METTL3: variants seen among roughly 807,000 people sequenced by gnomAD.
METTL3 encodes N(6)-adenosine-methyltransferase catalytic subunit METTL3.
In METTL3, 42 loss-of-function variants were observed where a neutral mutation model predicts 64.3. That is an observed-to-expected ratio of 0.65 (90% confidence interval 0.51 to 0.84). The LOEUF is 0.84. METTL3 is among the 40% of genes least tolerant of loss of function. The pLI is 0.00. For synonymous variants in METTL3, 256 were observed against 263.6 expected (o/e 0.97, Z 0.28); for missense variants, 435 against 722.3 (o/e 0.60, Z 4.56).
Position 21,500,476 on chromosome 14 carries a change from C to T in METTL3, c.1304+19G>A, listed in dbSNP as rs746196154. 1.2e-5 allele frequency: 20 copies of T among 1,613,118 alleles called. 2 individuals carry two copies. The South Asian group carries it at 1.8e-4, about 14-fold the overall frequency. ...CTTGTACTGTATCTGTCCATACCTA[C>T]GTAACTGAATTGCATTACCTGCCTG... On this transcript the variant is annotated intron_variant, in intron 6 of 10. Coordinates refer to ENST00000298717, the MANE Select transcript of METTL3 (RefSeq NM_019852.5).
chr14:21,498,834 A>G (rs546953429), intron 10 of METTL3, 191 bp downstream of exon 10: 9 of 573,756 alleles, frequency 1.6e-5, no homozygotes, highest in Non-Finnish European at 2.8e-5. Context: ...TTTGGGTCCT[A>G]GAACCTGTTG....
chr14:21,504,596 A>G (rs1891651725), intron 1 of METTL3: 1 of 152,242 alleles, frequency 6.6e-6, no homozygotes, highest in African/African-American at 2.4e-5. Flanking sequence ...CTAAATAAGT[A>G]GGCCATTAGT....
At chr14:21,506,127 C>A (rs1420353468) in intron 1 of METTL3, among the ~76,000 whole-genome samples, 3 of 151,122 alleles carry the variant, frequency 2.0e-5, no homozygotes, top group Admixed American at 6.6e-5. Flanking sequence ...TAATATTTTT[C>A]TTTTTAAAAA....
At chr14:21,510,969 G>T in intron 1 of METTL3, 155 bp downstream of exon 1, 1 of 824,890 alleles carries the variant, frequency 1.2e-6, no homozygotes, top group Non-Finnish European at 1.8e-6. Flanking sequence ...GCAGAAGGGC[G>T]AACGTCTGCT....
At position 21,499,153 on chromosome 14, in the gene METTL3, T is replaced by TAGCC. The variant is rs1447862851; in HGVS notation, c.1519-17_1519-16insGGCT. On this transcript the variant is annotated splice_polypyrimidine_tract_variant and intron_variant, in intron 9 of 10. Coordinates refer to ENST00000298717, the MANE Select transcript of METTL3 (RefSeq NM_019852.5). The stretch of plus-strand genomic sequence containing the variant: ...TGGAACGAACCTAGGAAATAAAAAC[T>TAGCC]AGCTGCTTTTTAAGTTACACAAGAT... 5.0e-6 allele frequency: 8 copies of TAGCC among 1,601,850 alleles called. No individual in the cohort carries two copies. The highest frequency in any genetic ancestry group is 6.8e-6 in the Non-Finnish European group (8 of 1,168,832).
chr14:21,511,081 T>G lies in METTL3; in HGVS notation c.100+43A>C, dbSNP rs371383314. On this transcript the variant is annotated intron_variant, in intron 1 of 10. Coordinates refer to ENST00000298717, the MANE Select transcript of METTL3 (RefSeq NM_019852.5). ...GCTTTTTCTCTAGGGATCCCGCCCGTCCTCCCCGGTTGAGCCTCGGCCCCA... is the reference window on the plus strand; with the variant it reads ...GCTTTTTCTCTAGGGATCCCGCCCGGCCTCCCCGGTTGAGCCTCGGCCCCA... The G allele has an allele frequency of 6.5e-5, 104 of 1,604,364 alleles. No individual in the cohort carries two copies. In the African/African-American group the frequency reaches 1.4e-3, roughly 21 times the overall value.
At chr14:21,502,097 C>T (rs979756046) in intron 3 of METTL3, among the ~76,000 whole-genome samples, 194 bp from the exon 4 acceptor site, 2 of 145,942 alleles carry the variant, frequency 1.4e-5, no homozygotes, top group Admixed American at 7.2e-5. Context: ...CTCACTGTTT[C>T]TCCCACTGAA....
chr14:21,503,680 C>T lies in METTL3; in HGVS notation c.302G>A (p.Cys101Tyr), dbSNP rs1891627045. 1.2e-6 allele frequency: 2 copies of T among 1,614,234 alleles called. No homozygotes were observed. The highest frequency in any genetic ancestry group is 8.5e-7 in the Non-Finnish European group (1 of 1,180,038). Reference sequence around the variant, plus strand: ...GGTCATTACCGTGGAGATGGCAAGACAGATGGACACAGCATCAGTGGGCAA... The same window carrying T: ...GGTCATTACCGTGGAGATGGCAAGATAGATGGACACAGCATCAGTGGGCAA... ...LTLPTDAVSICLAISTPDAPA... is the reference protein window; with the variant it reads ...LTLPTDAVSIYLAISTPDAPA... The change falls in exon 2 of 11, where the codon TGT becomes TAT. Residue 101 changes from cysteine (C) to tyrosine (Y), a missense_variant. This residue lies in a region of METTL3 where 228 missense variants were observed against 279.6 expected (regional missense o/e 0.82). Transcript: ENST00000298717.
chr14:21,502,038 G>C, intron 3 of METTL3, 135 bp from the exon 4 acceptor site: 1 of 641,402 alleles, frequency 1.6e-6, no homozygotes, highest in Non-Finnish European at 2.5e-6. Flanking sequence ...TTTTTTAAGA[G>C]ATGGGATCTT....
At chr14:21,510,998 GTA>G in intron 1 of METTL3, 124 bp downstream of exon 1, 1 of 1,071,296 alleles carries the variant, frequency 9.3e-7, no homozygotes, top group Non-Finnish European at 1.3e-6. Context: ...TGGAGAGGGA[GTA>G]CCAATGTACG....
At chr14:21,510,867 C>CAAGGCGGACGAGGGT in intron 1 of METTL3, 1 of 470,918 alleles carries the variant, frequency 2.1e-6, no homozygotes, top group South Asian at 2.4e-5. Context: ...GAGGAGTGGG[C>CAAGGCGGACGAGGGT]AAGGCGGACG....
At chr14:21,501,486 C>A in intron 4 of METTL3, 2 of 580,568 alleles carry the variant, frequency 3.4e-6, no homozygotes, top group South Asian at 4.2e-5. Flanking sequence ...CAGAGACAGA[C>A]ATACTTTGCT....
At chr14:21,509,845 A>G (rs1891789894) in intron 1 of METTL3, among the ~76,000 whole-genome samples, 1 of 152,154 alleles carries the variant, frequency 6.6e-6, no homozygotes, top group African/African-American at 2.4e-5. Context: ...AGAGCAAGGG[A>G]AAAAAAATTC....
Position 21,499,005 on chromosome 14 carries a change from C to G in METTL3, c.1631+20G>C. The G allele has an allele frequency of 6.5e-7, 1 of 1,548,026 alleles. No individual in the cohort carries two copies. Among genetic ancestry groups the G allele is most frequent in the Non-Finnish European group, 8.9e-7 (1 of 1,119,662 alleles). Reference sequence around the variant, plus strand: ...AAATAATAGCCCCTTGAGGACTAGCCTGTTCTCTGGTCACCTTACCAGTTG... The same window carrying G: ...AAATAATAGCCCCTTGAGGACTAGCGTGTTCTCTGGTCACCTTACCAGTTG... On this transcript the variant is annotated intron_variant, in intron 10 of 10. Transcript: ENST00000298717.
chr14:21,501,140 A>G lies in METTL3; in HGVS notation c.900-11T>C. On this transcript the variant is annotated splice_polypyrimidine_tract_variant and intron_variant, in intron 4 of 10. Coordinates refer to ENST00000298717, the MANE Select transcript of METTL3 (RefSeq NM_019852.5). Reference sequence around the variant, plus strand: ...TTATTGATAATTCGTCTGGGAAAATAAAAAGGGAGAATCAAGATGGTGCTC... The same window carrying G: ...TTATTGATAATTCGTCTGGGAAAATGAAAAGGGAGAATCAAGATGGTGCTC... 6.3e-7 allele frequency: 1 copy of G among 1,596,198 alleles called. No individual in the cohort carries two copies. Among genetic ancestry groups the G allele is most frequent in the African/African-American group, 1.3e-5 (1 of 74,612 alleles).
chr14:21,505,481 G>C (rs781659952), intron 1 of METTL3, among the ~76,000 whole-genome samples: 4 of 152,138 alleles, frequency 2.6e-5, no homozygotes, highest in African/African-American at 9.7e-5. Context: ...CCTCCTGGGA[G>C]GTTTTTTTTC....
In METTL3 at chr14:21,500,925, G is replaced by A; in HGVS notation, c.1104C>T (p.Leu368=). 1 of 1,613,678 alleles carries A rather than the reference G, an allele frequency of 6.2e-7. No individual in the cohort carries two copies. The highest frequency in any genetic ancestry group is 8.5e-7 in the Non-Finnish European group (1 of 1,179,710). ...SVGGDSSADR[L]FPPQWICCDI... ...AGCAGACAGGTACCTGAGGTGGGAA[G>A]AGTCGGTCTGCACTGGAATCACCTC... Residue 368 remains leucine (L), a synonymous_variant, in exon 5 of 11, where the codon CTC becomes CTT. Transcript: ENST00000298717.
At chr14:21,506,738 G>A (rs924336241) in intron 1 of METTL3, among the ~76,000 whole-genome samples, 4 of 152,052 alleles carry the variant, frequency 2.6e-5, no homozygotes, top group Non-Finnish European at 5.9e-5. Flanking sequence ...CAAAAGGAAG[G>A]AGGCCAGGCA....
chr14:21,502,942 G>C, intron 3 of METTL3: 1 of 519,576 alleles, frequency 1.9e-6, no homozygotes. Flanking sequence ...ACTGTAGGAT[G>C]TTTGACAACA....
Sources: allele counts gnomAD v4.1 joint callset (sites outside exome capture counted in the v4.1 genomes callset), GRCh38; gene constraint gnomAD v4.1.1; regional missense constraint gnomAD v4.1.1; transcripts MANE v1.5; gene names NCBI Gene and HGNC (gene_info 2026-07-23, HGNC 2026-07-21).